Variants in KIRREL3 observed in about 807,000 individuals in gnomAD.
The protein encoded by KIRREL3 is kirre like nephrin family adhesion molecule 3, also known as kin of IRRE-like protein 3.
In KIRREL3, 36 loss-of-function variants were observed where a neutral mutation model predicts 89.7. The observed-to-expected ratio is 0.40, with a 90% confidence interval of 0.31 to 0.53. KIRREL3 has a LOEUF of 0.53. Among genes scored for constraint, KIRREL3 ranks in the 20% least tolerant of loss-of-function variants. The pLI, the probability that KIRREL3 is intolerant of heterozygous loss-of-function variation, is 0.49. For synonymous variants in KIRREL3, 445 were observed against 441.4 expected (o/e 1.01, Z -0.10); for missense variants, 864 against 1,056.6 (o/e 0.82, Z 2.53).
intron 5 of KIRREL3, among the ~76,000 whole-genome samples, chr11:126,472,633 T>A (rs938246868): frequency 1.3e-5 from 2 of 151,692 alleles, no homozygotes; most frequent in African/African-American, 4.9e-5. Flanking sequence ...GCCACTACTG[T>A]CCCTGAGTCT....
chr11:126,785,872 CAAAAAAAAAAAAAAAA>C (rs34526435), intron 1 of KIRREL3, among the ~76,000 whole-genome samples: 1 of 37,788 alleles, frequency 2.6e-5, no homozygotes, highest in Non-Finnish European at 4.5e-5. Context: ...GACTCCGTCT[CAAAAAAAAAAAAAAAA>C]AAAAAAAAAA....
In KIRREL3 at chr11:126,870,386, C is replaced by T. The variant is rs1465735841; in HGVS notation, c.55+130069G>A. Among the ~76,000 whole-genome samples, 1 of 152,214 alleles carries T rather than the reference C, an allele frequency of 6.6e-6. No homozygotes were observed. The highest frequency in any genetic ancestry group is 1.5e-5 in the Non-Finnish European group (1 of 68,038). On this transcript the variant is annotated intron_variant, in intron 1 of 16. Transcript: ENST00000525144. This position sits in a 1 kb window ranked among gnomAD's most constrained non-coding sequence, Gnocchi z 4.4. ...GCTGTGGCTGGCTGGAGGTCCCATC[C>T]AGTCAAGTGGCTCGCCACTTAGGTC...
rs1197337902 is a variant in KIRREL3, at chr11:126,808,974, C to T, written c.55+191481G>A. Among the ~76,000 whole-genome samples, 4 of 152,084 alleles carry T rather than the reference C, an allele frequency of 2.6e-5. No homozygotes were observed. Among genetic ancestry groups the T allele is most frequent in the Non-Finnish European group, 5.9e-5 (4 of 68,010 alleles). The stretch of plus-strand genomic sequence containing the variant: ...TGAAAAATCTCTTGTTCTTTTCTTT[C>T]CCCCAAAAAACAAATGCAACTATTC... On this transcript the variant is annotated intron_variant, in intron 1 of 16. Coordinates refer to ENST00000525144, the MANE Select transcript of KIRREL3 (RefSeq NM_032531.4). The surrounding 1 kb of genome is among the most constrained non-coding windows in gnomAD (Gnocchi z 4.1).
chr11:126,586,689 T>C (rs1238765159), intron 1 of KIRREL3, among the ~76,000 whole-genome samples: 1 of 152,078 alleles, frequency 6.6e-6, no homozygotes, highest in East Asian at 1.9e-4. Flanking sequence ...CTCATCACTT[T>C]CTCTGGCCTG....
intron 1 of KIRREL3, among the ~76,000 whole-genome samples, chr11:126,852,629 G>A (rs1252621909): frequency 6.6e-6 from 1 of 152,176 alleles, no homozygotes; most frequent in African/African-American, 2.4e-5. Flanking sequence ...TCATGATGAG[G>A]TGAGCAAAGA....
In KIRREL3 at chr11:126,443,670, T is replaced by C. The variant is rs1416993367; in HGVS notation, c.1252+1309A>G. 1.3e-5 allele frequency among the ~76,000 whole-genome samples: 2 copies of C among 151,942 alleles called. No individual in the cohort carries two copies. Among genetic ancestry groups the C allele is most frequent in the Non-Finnish European group, 2.9e-5 (2 of 67,986 alleles). On this transcript the variant is annotated intron_variant, in intron 10 of 16. Coordinates refer to ENST00000525144, the MANE Select transcript of KIRREL3 (RefSeq NM_032531.4). The surrounding 1 kb of genome is among the most constrained non-coding windows in gnomAD (Gnocchi z 7.3). ...AGGTATGGCTGAGGAGACACCAAGC[T>C]GGTTTTGGTTTTCTAGCGAAGGGGA... is the stretch of plus-strand genomic sequence containing the variant.
chr11:126,689,042 A>AAGAGAGAG lies in KIRREL3; in HGVS notation c.56-126138_56-126131dup, dbSNP rs58257040. Among the ~76,000 whole-genome samples the AAGAGAGAG allele has an allele frequency of 4.4e-3, 576 of 129,790 alleles. 4 individuals carry two copies. Among genetic ancestry groups the AAGAGAGAG allele is most frequent in the Middle Eastern group, 0.033 (8 of 240 alleles). 85.1% of individuals were successfully genotyped at this position (129,790 alleles called of 152,430 possible). On this transcript the variant is annotated intron_variant, in intron 1 of 16. Transcript: ENST00000525144. This position sits in a 1 kb window ranked among gnomAD's most constrained non-coding sequence, Gnocchi z 5.2. Reference sequence around the variant, plus strand: ...ATGTGTGTGTGTGTAAGGGGGAGAGAAGAGAGAGAGAGAGAGAGAGAGAGA... The same window carrying AAGAGAGAG: ...ATGTGTGTGTGTGTAAGGGGGAGAGAAGAGAGAGAGAGAGAGAGAGAGAGAGAGAGAGA...
chr11:126,563,017 G>T lies in KIRREL3; in HGVS notation c.56-105C>A. ...GGAGCTTGTTGCTCTTATAAACAGA[G>T]GTGCTTTTGTTTAGCCAACATTTAT... is the stretch of plus-strand genomic sequence containing the variant. On this transcript the variant is annotated intron_variant, in intron 1 of 16. Transcript: ENST00000525144. The surrounding 1 kb of genome is among the most constrained non-coding windows in gnomAD (Gnocchi z 6.8). 1.4e-6 allele frequency: 1 copy of T among 699,882 alleles called. No homozygotes were observed. Among genetic ancestry groups the T allele is most frequent in the East Asian group, 2.7e-5 (1 of 37,022 alleles). The allele number at this position is 699,882 out of a possible 1,614,324, so 43.4% of individuals were successfully genotyped here.
intron 13 of KIRREL3, 125 bp downstream of exon 13, chr11:126,435,143 C>T (rs982837762): frequency 1.2e-5 from 12 of 996,072 alleles, no homozygotes; most frequent in African/African-American, 7.9e-5. Context: ...ACCCTCAGGA[C>T]GGGGGAGGGC....
At chr11:126,919,419 G>A (rs1253797156) in intron 1 of KIRREL3, among the ~76,000 whole-genome samples, 2 of 152,192 alleles carry the variant, frequency 1.3e-5, no homozygotes, top group Non-Finnish European at 2.9e-5. Flanking sequence ...GCAAGTTTAC[G>A]GATCTGGAGG....
chr11:126,474,244 T>C lies in KIRREL3; in HGVS notation c.434-778A>G, dbSNP rs1164474861. 1.3e-5 allele frequency among the ~76,000 whole-genome samples: 2 copies of C among 152,230 alleles called. No homozygotes were observed. Among genetic ancestry groups the C allele is most frequent in the Admixed American group, 1.3e-4 (2 of 15,286 alleles). On this transcript the variant is annotated intron_variant, in intron 4 of 16. Coordinates refer to ENST00000525144, the MANE Select transcript of KIRREL3 (RefSeq NM_032531.4). This position sits in a 1 kb window ranked among gnomAD's most constrained non-coding sequence, Gnocchi z 6.7. ...GATTACAGGCGTGAGCCACGGCACC[T>C]GGCTTTTCTTTTTTCTTTAAATGAA...
intron 1 of KIRREL3, among the ~76,000 whole-genome samples, chr11:126,858,239 C>A (rs1158610160): frequency 6.6e-6 from 1 of 152,222 alleles, no homozygotes; most frequent in African/African-American, 2.4e-5. Flanking sequence ...GACGCACATC[C>A]CGTTGACGGC....
chr11:126,434,574 T>C (rs1955248396), intron 13 of KIRREL3, among the ~76,000 whole-genome samples: 1 of 152,200 alleles, frequency 6.6e-6, no homozygotes, highest in South Asian at 2.1e-4. Context: ...AGGCCTGGGA[T>C]GGAGGACCAC....
Position 126,966,241 on chromosome 11 carries a change from A to G in KIRREL3, c.55+34214T>C, listed in dbSNP as rs530870185. ...ACTGACAATAAGGTACAGACAAATG[A>G]AAGTGTTTACAGGGTTTAATATTTA... On this transcript the variant is annotated intron_variant, in intron 1 of 16. Coordinates refer to ENST00000525144, the MANE Select transcript of KIRREL3 (RefSeq NM_032531.4). Among the ~76,000 whole-genome samples, 12 of 152,334 alleles carry G rather than the reference A, an allele frequency of 7.9e-5. No individual in the cohort carries two copies. The East Asian group carries it at 2.3e-3, about 29-fold the overall frequency.
chr11:126,643,872 G>C lies in KIRREL3; in HGVS notation c.56-80960C>G, dbSNP rs1243601672. 2.6e-5 allele frequency among the ~76,000 whole-genome samples: 4 copies of C among 152,204 alleles called. No homozygotes were observed. In the East Asian group the frequency reaches 7.7e-4, roughly 29 times the overall value. On this transcript the variant is annotated intron_variant, in intron 1 of 16. Transcript: ENST00000525144. The surrounding 1 kb of genome is among the most constrained non-coding windows in gnomAD (Gnocchi z 4.5). ...GAGCAAAGCTGACCCTGAGCATTTA[G>C]GGAGAAAGAATTGAAAAGATCATGA... is the stretch of plus-strand genomic sequence containing the variant.
At chr11:126,784,525 C>T (rs542214265) in intron 1 of KIRREL3, among the ~76,000 whole-genome samples, 1 of 152,094 alleles carries the variant, frequency 6.6e-6, no homozygotes, top group South Asian at 2.1e-4. Context: ...GTCAGGTGCC[C>T]TTGTGCAGTG....
rs1958650813 is a variant in KIRREL3 at position 126,523,256 on chromosome 11, T to C, written c.284-1792A>G. 6.6e-6 allele frequency among the ~76,000 whole-genome samples: 1 copy of C among 152,058 alleles called. No homozygotes were observed. The highest frequency in any genetic ancestry group is 1.5e-5 in the Non-Finnish European group (1 of 68,002). On this transcript the variant is annotated intron_variant, in intron 3 of 16. Coordinates refer to ENST00000525144, the MANE Select transcript of KIRREL3 (RefSeq NM_032531.4). The surrounding 1 kb of genome is among the most constrained non-coding windows in gnomAD (Gnocchi z 4.9). ...CTCTCAGGGATGTTGCAGAGGTGAT[T>C]TCTACACCGGGTGAAAGATCAGACT... is the stretch of plus-strand genomic sequence containing the variant.
At chr11:126,786,754 C>T (rs1449959304) in intron 1 of KIRREL3, among the ~76,000 whole-genome samples, 1 of 152,210 alleles carries the variant, frequency 6.6e-6, no homozygotes, top group Non-Finnish European at 1.5e-5. Flanking sequence ...GCTCCTTGGG[C>T]TGAAACCATG....
At chr11:126,552,550 G>GTTTTTTTTTTTTTTTTTTT (rs59392843) in intron 2 of KIRREL3, among the ~76,000 whole-genome samples, 1 of 81,752 alleles carries the variant, frequency 1.2e-5, no homozygotes, top group Non-Finnish European at 2.3e-5. Flanking sequence ...AGAGAGAAAA[G>GTTTTTTTTTTTTTTTTTTT]TTTTTTTTTT....
Sources: gnomAD v4.1 joint callset for allele counts (sites outside exome capture counted in the v4.1 genomes callset) on GRCh38, gnomAD v4.1.1 for gene constraint, Gnocchi (gnomAD v3.1) non-coding constraint, MANE v1.5 for transcripts, NCBI Gene and HGNC (gene_info 2026-07-23, HGNC 2026-07-21) for gene names.